SHROOM3: variants seen among roughly 807,000 people sequenced by gnomAD.
SHROOM3 encodes the protein shroom family member 3.
In SHROOM3, 47 loss-of-function variants were observed where a neutral mutation model predicts 138.6. The observed-to-expected ratio is 0.34, with a 90% CI of 0.27 to 0.43. SHROOM3 has a LOEUF of 0.43. Ranked by LOEUF, SHROOM3 falls within the 20% of genes least tolerant of loss-of-function variation. SHROOM3 has a pLI of 1.00. For synonymous variants in SHROOM3, 1,062 were observed against 1,063.3 expected (o/e 1.00, Z 0.02); for missense variants, 2,491 against 2,596.5 (o/e 0.96, Z 0.88).
chr4:76,653,761 T>A (rs1736009972), intron 2 of SHROOM3, among the ~76,000 whole-genome samples: 1 of 151,936 alleles, frequency 6.6e-6, no homozygotes, highest in African/African-American at 2.4e-5. Flanking sequence ...GGACGAGGTT[T>A]TTCCATGTTG....
chr4:76,464,590 A>T (rs1731211638), intron 1 of SHROOM3, among the ~76,000 whole-genome samples: 1 of 151,996 alleles, frequency 6.6e-6, no homozygotes, highest in Non-Finnish European at 1.5e-5. Flanking sequence ...GGGTGGAATG[A>T]TATTGTTTGG....
Position 76,756,553 on chromosome 4 carries a change from T to A in SHROOM3, c.4814T>A (p.Ile1605Asn). The change falls in exon 8 of 11, where the codon ATC becomes AAC. Residue 1605 changes from isoleucine (I) to asparagine (N), a missense_variant. Coordinates refer to ENST00000296043, the MANE Select transcript of SHROOM3 (RefSeq NM_020859.4). Reference sequence around the variant, plus strand: ...CTGGCTTCCAGACTCCAAACTTCTATCAAGGGTTCAGAGGCTGAGTCCACA... The same window carrying A: ...CTGGCTTCCAGACTCCAAACTTCTAACAAGGGTTCAGAGGCTGAGTCCACA... ...QTLASRLQTSIKGSEAESTPP... is the reference protein window; with the variant it reads ...QTLASRLQTSNKGSEAESTPP... 1 of 1,613,422 alleles carries A rather than the reference T, an allele frequency of 6.2e-7. No individual in the cohort carries two copies. The highest frequency in any genetic ancestry group is 8.5e-7 in the Non-Finnish European group (1 of 1,179,978).
intron 3 of SHROOM3, among the ~76,000 whole-genome samples, chr4:76,730,404 A>G (rs1465888581): frequency 6.6e-6 from 1 of 152,338 alleles, no homozygotes. Flanking sequence ...CCTTTGGGAA[A>G]TGGAAAGGAA....
At chr4:76,706,897 C>T (rs1720072019) in intron 2 of SHROOM3, among the ~76,000 whole-genome samples, 2 of 152,310 alleles carry the variant, frequency 1.3e-5, no homozygotes, top group South Asian at 4.2e-4. Context: ...CCGACTTCCA[C>T]AGTTCCTCTG....
intron 2 of SHROOM3, among the ~76,000 whole-genome samples, chr4:76,610,945 T>C (rs1317083856): frequency 1.3e-5 from 2 of 152,100 alleles, no homozygotes; most frequent in Non-Finnish European, 2.9e-5. Context: ...CTCCCTCAAA[T>C]GAGAAACTAT....
At chr4:76,491,294 A>G (rs888362027) in intron 1 of SHROOM3, among the ~76,000 whole-genome samples, 1 of 152,180 alleles carries the variant, frequency 6.6e-6, no homozygotes, top group African/African-American at 2.4e-5. Context: ...ATGGGGAAAT[A>G]GGAGATTAAG....
At chr4:76,671,386 C>T (rs1161933148) in intron 2 of SHROOM3, among the ~76,000 whole-genome samples, 10 of 152,216 alleles carry the variant, frequency 6.6e-5, no homozygotes, top group Non-Finnish European at 1.3e-4. Flanking sequence ...GGATAAACTT[C>T]AAACTCCTAA....
At chr4:76,728,885 G>A (rs1407174962) in intron 3 of SHROOM3, among the ~76,000 whole-genome samples, 2 of 151,274 alleles carry the variant, frequency 1.3e-5, no homozygotes, top group Non-Finnish European at 2.9e-5. Context: ...TGGGGAGCTC[G>A]GGGCAATACC....
At chr4:76,512,536 GT>G (rs1326895019) in intron 1 of SHROOM3, among the ~76,000 whole-genome samples, 1 of 152,198 alleles carries the variant, frequency 6.6e-6, no homozygotes, top group African/African-American at 2.4e-5. Flanking sequence ...TGCTTTAGGG[GT>G]CACACCCTCT....
In SHROOM3 at chr4:76,722,661, T is replaced by TA. The variant is rs200285699; in HGVS notation, c.456-8133dup. Among the ~76,000 whole-genome samples the TA allele has an allele frequency of 4.3e-3, 642 of 148,416 alleles. 2 individuals carry two copies. Among genetic ancestry groups the TA allele is most frequent in the Middle Eastern group, 0.014 (4 of 292 alleles). Reference sequence around the variant, plus strand: ...GCATGTGTACCCCTAAAATTAAAGTTAAAAAAAAAACCAGTGCTTTATCCC... The same window carrying TA: ...GCATGTGTACCCCTAAAATTAAAGTTAAAAAAAAAAACCAGTGCTTTATCCC... On this transcript the variant is annotated intron_variant, in intron 3 of 10. Transcript: ENST00000296043.
At chr4:76,738,735 T>TA in intron 4 of SHROOM3, 26 bp from the exon 5 acceptor site, 2 of 1,613,384 alleles carry the variant, frequency 1.2e-6, no homozygotes, top group South Asian at 2.2e-5. Flanking sequence ...AGCTCAGTGG[T>TA]ACTGACTGCT....
At chr4:76,556,456 C>T (rs75190227) in intron 2 of SHROOM3, among the ~76,000 whole-genome samples, 2,659 of 152,246 alleles carry the variant, frequency 0.017, 71 homozygotes, top group African/African-American at 0.061. Flanking sequence ...TAATCACTAT[C>T]CCCATTTTAC....
intron 2 of SHROOM3, among the ~76,000 whole-genome samples, chr4:76,590,320 C>A (rs1280643515): frequency 6.6e-6 from 1 of 152,062 alleles, no homozygotes; most frequent in Non-Finnish European, 1.5e-5. Flanking sequence ...GCCCCTTGAC[C>A]AGGGAGGCCA....
chr4:76,666,283 G>A (rs1349876315), intron 2 of SHROOM3, among the ~76,000 whole-genome samples: 1 of 152,180 alleles, frequency 6.6e-6, no homozygotes, highest in Non-Finnish European at 1.5e-5. Context: ...ACTTGTTCAT[G>A]TGATTACTTC....
chr4:76,514,700 T>G (rs990060141), intron 1 of SHROOM3, among the ~76,000 whole-genome samples: 3 of 152,160 alleles, frequency 2.0e-5, no homozygotes, highest in African/African-American at 7.2e-5. Flanking sequence ...ATATGAAGCG[T>G]GAAACTTTAT....
chr4:76,449,573 A>T (rs1375799116), intron 1 of SHROOM3, among the ~76,000 whole-genome samples: 1 of 152,220 alleles, frequency 6.6e-6, no homozygotes, highest in African/African-American at 2.4e-5. Context: ...CAATGTGAAT[A>T]TTCTTTGACT....
intron 2 of SHROOM3, among the ~76,000 whole-genome samples, chr4:76,592,358 G>A (rs573168151): frequency 6.6e-6 from 1 of 152,186 alleles, no homozygotes; most frequent in African/African-American, 2.4e-5. Flanking sequence ...AATAATTTGT[G>A]TAAAGCCTTC....
intron 9 of SHROOM3, among the ~76,000 whole-genome samples, chr4:76,764,588 C>T (rs1722089174): frequency 1.3e-5 from 2 of 152,188 alleles, no homozygotes; most frequent in Non-Finnish European, 2.9e-5. Context: ...TGTCTTTATT[C>T]CACTGTCACC....
At chr4:76,477,356 C>G (rs373061535) in intron 1 of SHROOM3, among the ~76,000 whole-genome samples, 3 of 151,884 alleles carry the variant, frequency 2.0e-5, no homozygotes, top group African/African-American at 7.2e-5. Context: ...ACTTTGTATG[C>G]GGTAAGAGGA....
Sources: gnomAD v4.1 joint callset for allele counts (sites outside exome capture counted in the v4.1 genomes callset) on GRCh38, gnomAD v4.1.1 for gene constraint, MANE v1.5 for transcripts, NCBI Gene and HGNC (gene_info 2026-07-23, HGNC 2026-07-21) for gene names.